Variants in SYNE1 observed in about 807,000 individuals in gnomAD.
SYNE1 encodes spectrin repeat containing nuclear envelope protein 1.
Under a neutral mutation model 1,111.0 loss-of-function variants are expected in SYNE1, and 616 were observed. The ratio of observed to expected loss-of-function variants is 0.55; its 90% CI spans 0.52 to 0.59. The LOEUF (loss-of-function observed/expected upper bound fraction) is 0.59. SYNE1 is among the 20% of genes least tolerant of loss of function. The pLI is 0.00. For missense variants in SYNE1, 10,006 were observed against 10,417.0 expected (o/e 0.96, Z 1.72); for synonymous variants, 3,855 against 3,825.8 (o/e 1.01, Z -0.28).
chr6:152,244,483 G>A, intron 106 of SYNE1, 54 bp downstream of exon 106: 1 of 1,612,758 alleles, frequency 6.2e-7, no homozygotes, highest in Admixed American at 1.7e-5. Flanking sequence ...ATTTTTTCTA[G>A]ACTTCAAGTT....
intron 131 of SYNE1, among the ~76,000 whole-genome samples, chr6:152,157,631 C>T (rs1233874344): frequency 2.0e-5 from 3 of 152,144 alleles, no homozygotes; most frequent in South Asian, 2.1e-4. Flanking sequence ...AATACCCTGA[C>T]TTGATCATTA....
At chr6:152,338,330 C>T (rs1490938053) in intron 75 of SYNE1, among the ~76,000 whole-genome samples, 1 of 151,756 alleles carries the variant, frequency 6.6e-6, no homozygotes, top group Non-Finnish European at 1.5e-5. Context: ...TTCTTTTAAA[C>T]TCAAGTGTGG....
chr6:152,262,615 A>ATAGTACAGGGCCTGGAAAGG (rs1341980105), intron 100 of SYNE1, among the ~76,000 whole-genome samples: 3 of 152,158 alleles, frequency 2.0e-5, no homozygotes, highest in African/African-American at 7.2e-5. Flanking sequence ...ACACAGAGAA[A>ATAGTACAGGGCCTGGAAAGG]TAGTACAGGG....
intron 4 of SYNE1, among the ~76,000 whole-genome samples, chr6:152,533,446 G>C (rs755232921): frequency 3.9e-5 from 6 of 152,014 alleles, no homozygotes; most frequent in Admixed American, 3.9e-4. Context: ...ATTGTACCAA[G>C]TTATTTATTT....
intron 3 of SYNE1, among the ~76,000 whole-genome samples, chr6:152,602,075 T>A (rs1016590863): frequency 3.9e-5 from 6 of 152,064 alleles, no homozygotes; most frequent in Admixed American, 6.6e-5. Flanking sequence ...CCTCTCTGCC[T>A]CCATCCCAAT....
intron 129 of SYNE1, among the ~76,000 whole-genome samples, chr6:152,178,081 T>G (rs777223736): frequency 5.3e-5 from 8 of 152,148 alleles, no homozygotes; most frequent in Non-Finnish European, 1.0e-4. Flanking sequence ...CGAGGTAGTA[T>G]AGTTAACATT....
intron 4 of SYNE1, among the ~76,000 whole-genome samples, chr6:152,533,113 C>A (rs1387813340): frequency 6.6e-6 from 1 of 152,086 alleles, no homozygotes; most frequent in Non-Finnish European, 1.5e-5. Context: ...TTGAATGTTT[C>A]CAATATCTTC....
chr6:152,480,712 C>T lies in SYNE1; in HGVS notation c.1350+2373G>A, dbSNP rs749438339. ...AATGAAAAGATCATTCTAATATTCA[C>T]CTTGAACCTGGCCTGAGCCCCTGTC... On this transcript the variant is annotated intron_variant, in intron 14 of 145. Transcript: ENST00000367255. The T allele has an allele frequency of 8.8e-6, 4 of 455,432 alleles. 1 individual carries two copies. Among genetic ancestry groups the T allele is most frequent in the Admixed American group, 2.4e-5 (1 of 42,484 alleles). The allele number at this position is 455,432 out of a possible 1,614,324, so 28.2% of individuals were successfully genotyped here.
At chr6:152,574,440 C>G (rs988095751) in intron 3 of SYNE1, among the ~76,000 whole-genome samples, 1 of 152,040 alleles carries the variant, frequency 6.6e-6, no homozygotes, top group Non-Finnish European at 1.5e-5. Context: ...CTGCACCTGA[C>G]AGTTAATTGC....
chr6:152,381,204 T>C lies in SYNE1; in HGVS notation c.8811A>G (p.Val2937=). ...RADWKQWEDS[V]FQTQSCLENL... ...TCTCCAAACAGCTCTGCGTTTGGAA[T>C]ACACTGTCTTCCCACTGCTTCCAGT... The change falls in exon 56 of 146, where the codon GTA becomes GTG. Residue 2937 remains valine (V), a synonymous_variant. Transcript: ENST00000367255. 1 of 1,614,244 alleles carries C rather than the reference T, an allele frequency of 6.2e-7. No individual in the cohort carries two copies. The highest frequency in any genetic ancestry group is 1.7e-5 in the Admixed American group (1 of 60,028).
rs567376316 is a variant in SYNE1 at position 152,122,458 on chromosome 6, G to T, written c.26372C>A (p.Thr8791Lys). 1.4e-5 allele frequency: 23 copies of T among 1,614,044 alleles called. No homozygotes were observed. The highest frequency in any genetic ancestry group is 5.0e-5 in the Admixed American group (3 of 60,012). The change falls in exon 146 of 146, where the codon ACG (threonine) becomes AAG (lysine). Residue 8791 changes from threonine (T) to lysine (K), a missense_variant. Transcript: ENST00000367255. ...AGTTCAGAGTGGAGGAGGGCCATTC[G>T]TGTATCTGAGCATGGGGTGGAATGA... Reference protein sequence around the residue: ...ARSFHPMLRYTNGPPPL With the variant: ...ARSFHPMLRYKNGPPPL
At chr6:152,505,520 T>C (rs1456472267) in intron 8 of SYNE1, 123 bp from the exon 9 acceptor site, 1 of 1,096,844 alleles carries the variant, frequency 9.1e-7, no homozygotes, top group East Asian at 2.6e-5. Flanking sequence ...ATCAGTTCAT[T>C]GTATTTGAGA....
At chr6:152,282,060 A>T (rs1366109888) in intron 96 of SYNE1, 80 bp from the exon 97 acceptor site, 2 of 1,450,964 alleles carry the variant, frequency 1.4e-6, no homozygotes, top group Non-Finnish European at 1.9e-6. Context: ...CAATGGTTCC[A>T]GGCCCTGGCT....
At chr6:152,302,211 G>T (rs1365348507) in intron 91 of SYNE1, 148 bp from the exon 92 acceptor site, 24 of 1,044,826 alleles carry the variant, frequency 2.3e-5, no homozygotes, top group Non-Finnish European at 3.4e-5. Context: ...GAGTCCTCCT[G>T]CATCTCGCTA....
At chr6:152,139,890 A>C (rs2058176671) in intron 140 of SYNE1, 60 bp downstream of exon 140, 2 of 1,578,570 alleles carry the variant, frequency 1.3e-6, no homozygotes, top group Non-Finnish European at 1.7e-6. Context: ...TGCCATCTGC[A>C]CGGTCGTTCA....
intron 2 of SYNE1, among the ~76,000 whole-genome samples, chr6:152,629,677 C>A (rs376991283): frequency 2.0e-5 from 3 of 151,706 alleles, no homozygotes; most frequent in Admixed American, 1.3e-4. Context: ...TTGCCATAAA[C>A]GAAATAATTA....
At chr6:152,385,942 T>C in intron 54 of SYNE1, 104 bp from the exon 55 acceptor site, 1 of 1,065,836 alleles carries the variant, frequency 9.4e-7, no homozygotes, top group Middle Eastern at 2.6e-4. Flanking sequence ...TCTCAGAAAA[T>C]TTCATTCTTG....
intron 3 of SYNE1, among the ~76,000 whole-genome samples, chr6:152,544,331 A>T (rs1527369): frequency 0.65 from 98,918 of 151,908 alleles, 32,872 homozygotes; most frequent in African/African-American, 0.76. Flanking sequence ...TAAATCGTAA[A>T]TGGTTCCTAA....
At chr6:152,323,334 G>A in intron 82 of SYNE1, 144 bp downstream of exon 82, 1 of 1,271,766 alleles carries the variant, frequency 7.9e-7, no homozygotes, top group Non-Finnish European at 1.1e-6. Context: ...GCTACTCAGA[G>A]AGGCTGAGGC....
Sources: allele counts gnomAD v4.1 joint callset (sites outside exome capture counted in the v4.1 genomes callset), GRCh38; gene constraint gnomAD v4.1.1; transcripts MANE v1.5; gene names NCBI Gene and HGNC (gene_info 2026-07-23, HGNC 2026-07-21).